ADGRB3: variants seen among roughly 807,000 people sequenced by gnomAD.
The protein encoded by ADGRB3 is brain-specific angiogenesis inhibitor 3.
In ADGRB3, 37 loss-of-function variants were observed where a neutral mutation model predicts 193.4. The ratio of observed to expected loss-of-function variants is 0.19; its 90% CI spans 0.15 to 0.25. The LOEUF (loss-of-function observed/expected upper bound fraction) is 0.25, where lower values mean the gene tolerates loss of function less well. Ranked by LOEUF, ADGRB3 falls within the 10% of genes least tolerant of loss-of-function variation. The pLI is 1.00. For synonymous variants in ADGRB3, 690 were observed against 644.2 expected (o/e 1.07, Z -1.08); for missense variants, 1,637 against 1,852.9 (o/e 0.88, Z 2.14).
intron 16 of ADGRB3, among the ~76,000 whole-genome samples, chr6:69,073,193 G>A (rs1265592458): frequency 6.6e-6 from 1 of 152,172 alleles, no homozygotes; most frequent in African/African-American, 2.4e-5. Context: ...AGGAAAGACA[G>A]TGTTATTATA....
intron 3 of ADGRB3, among the ~76,000 whole-genome samples, chr6:68,683,789 C>T (rs1470927353): frequency 1.3e-5 from 2 of 151,968 alleles, no homozygotes; most frequent in Non-Finnish European, 2.9e-5. Flanking sequence ...TTCATTATAC[C>T]TTTACGGCAG....
intron 17 of ADGRB3, among the ~76,000 whole-genome samples, chr6:69,097,098 C>G (rs1031481480): frequency 1.3e-5 from 2 of 152,148 alleles, no homozygotes; most frequent in Non-Finnish European, 2.9e-5. Flanking sequence ...GTAATGAGAA[C>G]TAAATACTAC....
At chr6:69,298,692 A>C (rs1227845718) in intron 20 of ADGRB3, among the ~76,000 whole-genome samples, 3 of 151,938 alleles carry the variant, frequency 2.0e-5, no homozygotes, top group African/African-American at 7.2e-5. Context: ...AGTTCCATCT[A>C]TGTTGTTGCA....
chr6:68,908,574 A>G (rs2150236160), intron 3 of ADGRB3, among the ~76,000 whole-genome samples: 1 of 152,252 alleles, frequency 6.6e-6, no homozygotes, highest in South Asian at 2.1e-4. Context: ...GTCAAAAGTC[A>G]GTAAGCCTAT....
intron 3 of ADGRB3, among the ~76,000 whole-genome samples, chr6:68,837,764 G>A (rs1420190073): frequency 6.6e-6 from 1 of 152,180 alleles, no homozygotes; most frequent in Non-Finnish European, 1.5e-5. Flanking sequence ...GGTTTCTGAA[G>A]GCCAAGATTC....
intron 24 of ADGRB3, among the ~76,000 whole-genome samples, chr6:69,333,796 G>A (rs1463553773): frequency 2.0e-5 from 3 of 151,186 alleles, no homozygotes; most frequent in Non-Finnish European, 4.4e-5. Flanking sequence ...CGGGCGAGGT[G>A]GTGGGCGCCT....
At position 69,245,657 on chromosome 6, in the gene ADGRB3, C is replaced by T. The variant is rs372089567; in HGVS notation, c.2814+6431C>T. 1.2e-3 allele frequency among the ~76,000 whole-genome samples: 180 copies of T among 152,124 alleles called. 2 individuals are homozygous for T. In the South Asian group the frequency reaches 0.03, roughly 25 times the overall value. On this transcript the variant is annotated intron_variant, in intron 20 of 31. Transcript: ENST00000370598. The stretch of plus-strand genomic sequence containing the variant: ...TGGGGCACTGTTCCTTCACCCCAAC[C>T]CCACCTGACTTCCTGTCTTTATTTG...
At chr6:68,794,901 T>G (rs1041580264) in intron 3 of ADGRB3, among the ~76,000 whole-genome samples, 1 of 152,128 alleles carries the variant, frequency 6.6e-6, no homozygotes, top group African/African-American at 2.4e-5. Context: ...CAAAACACTC[T>G]ATTTCCTCCT....
intron 13 of ADGRB3, among the ~76,000 whole-genome samples, chr6:69,019,499 G>T (rs1415550086): frequency 2.0e-5 from 3 of 151,856 alleles, no homozygotes; most frequent in Non-Finnish European, 2.9e-5. Flanking sequence ...TCTTCTGAAG[G>T]TCCCTAAGTC....
chr6:69,073,999 CAA>C (rs1203337158), intron 16 of ADGRB3, among the ~76,000 whole-genome samples: 1 of 152,124 alleles, frequency 6.6e-6, no homozygotes, highest in Non-Finnish European at 1.5e-5. Flanking sequence ...ATGTGACCAC[CAA>C]AGTCTATTAT....
chr6:68,694,447 G>A (rs1192717705), intron 3 of ADGRB3, among the ~76,000 whole-genome samples: 1 of 151,930 alleles, frequency 6.6e-6, no homozygotes, highest in Non-Finnish European at 1.5e-5. Flanking sequence ...GTTTGAGAGG[G>A]TAACTAGTAT....
intron 3 of ADGRB3, among the ~76,000 whole-genome samples, chr6:68,750,288 A>G (rs1185864119): frequency 1.3e-5 from 2 of 152,178 alleles, no homozygotes; most frequent in Non-Finnish European, 2.9e-5. Context: ...ATATGTTCTA[A>G]AATAACTGGG....
At chr6:69,247,391 G>T (rs1223488368) in intron 20 of ADGRB3, among the ~76,000 whole-genome samples, 1 of 152,088 alleles carries the variant, frequency 6.6e-6, no homozygotes, top group Non-Finnish European at 1.5e-5. Context: ...TTCTGGCTTG[G>T]CAACAAGAGC....
intron 13 of ADGRB3, among the ~76,000 whole-genome samples, chr6:69,035,187 G>C (rs1165301700): frequency 6.6e-6 from 1 of 152,058 alleles, no homozygotes; most frequent in East Asian, 1.9e-4. Flanking sequence ...TTCAGAGTGT[G>C]TTGTGGCATC....
intron 3 of ADGRB3, among the ~76,000 whole-genome samples, chr6:68,807,985 A>G (rs560638504): frequency 1.9e-4 from 29 of 152,278 alleles, no homozygotes; most frequent in African/African-American, 6.3e-4. Context: ...TAACTTTAAT[A>G]TCTTTTTACA....
intron 3 of ADGRB3, among the ~76,000 whole-genome samples, chr6:68,846,498 C>A (rs1035477208): frequency 3.9e-5 from 6 of 152,200 alleles, no homozygotes; most frequent in Non-Finnish European, 7.3e-5. Flanking sequence ...GCCCAGGGGC[C>A]CCATGCTGTA....
chr6:68,819,897 A>G (rs145953425), intron 3 of ADGRB3, among the ~76,000 whole-genome samples: 23 of 152,198 alleles, frequency 1.5e-4, no homozygotes, highest in Admixed American at 9.2e-4. Flanking sequence ...ATTTCCCCGA[A>G]TATCATCAAA....
chr6:68,650,388 G>A (rs535639477), intron 3 of ADGRB3, among the ~76,000 whole-genome samples: 5 of 151,132 alleles, frequency 3.3e-5, no homozygotes, highest in African/African-American at 7.3e-5. Context: ...ATACACATAC[G>A]TTCATATACA....
At chr6:69,330,368 A>G in intron 22 of ADGRB3, 138 bp from the exon 23 acceptor site, 1 of 485,204 alleles carries the variant, frequency 2.1e-6, no homozygotes, top group Non-Finnish European at 3.6e-6. Flanking sequence ...TACATCTTCT[A>G]TGTATTTTTT....
Sources: allele counts gnomAD v4.1 joint callset (sites outside exome capture counted in the v4.1 genomes callset), GRCh38; gene constraint gnomAD v4.1.1; transcripts MANE v1.5; gene names NCBI Gene and HGNC (gene_info 2026-07-23, HGNC 2026-07-21).